The following OR4C16 variants were observed in gnomAD, a reference collection of about 807,000 sequenced individuals.
The protein encoded by OR4C16 is olfactory receptor family 4 subfamily C member 16.
In OR4C16, 24 loss-of-function variants were observed where a neutral mutation model predicts 14.4. The ratio of observed to expected loss-of-function variants is 1.66; its 90% confidence interval spans 1.21 to 2.34. OR4C16 has a LOEUF of 2.34. OR4C16 is among the 30% of genes most tolerant of loss of function. OR4C16 has a pLI of 0.00. For synonymous variants in OR4C16, 233 were observed against 133.5 expected (o/e 1.75, Z -5.14); for missense variants, 674 against 364.2 (o/e 1.85, Z -6.92).
At position 55,572,727 on chromosome 11, in the gene OR4C16, T is replaced by C. The variant is rs1565052556; in HGVS notation, c.600T>C (p.Asn200=). 2 of 1,613,660 alleles carry C rather than the reference T, an allele frequency of 1.2e-6. No homozygotes were observed. The highest frequency in any genetic ancestry group is 1.7e-6 in the Non-Finnish European group (2 of 1,179,674). The change falls in exon 1 of 1, where the codon AAT becomes AAC. Residue 200 remains asparagine (N), a synonymous_variant. Coordinates refer to ENST00000623907, the MANE Select transcript of OR4C16 (RefSeq NM_001004701.2). ...TYVVNLLLVS[N]SGAICAVSYV... is the part of the protein sequence containing the mutation. ...TGGTTAACCTACTCCTGGTTTCCAA[T>C]AGTGGGGCCATTTGTGCAGTGAGTT...
chr11:55,572,325 A>G lies in OR4C16; in HGVS notation c.198A>G (p.Leu66=), dbSNP rs145669236. 5.1e-3 allele frequency: 8,265 copies of G among 1,613,330 alleles called. 32 individuals carry two copies. Among genetic ancestry groups the G allele is most frequent in the Non-Finnish European group, 6.3e-3 (7,418 of 1,179,348 alleles). ...PMFFFLFYLS[L]SDTCLSTSIT... Reference sequence around the variant, plus strand: ...TCTTCTTCCTTTTCTACTTATCCTTATCTGATACTTGCCTCTCTACTTCCA... The same window carrying G: ...TCTTCTTCCTTTTCTACTTATCCTTGTCTGATACTTGCCTCTCTACTTCCA... Residue 66 remains leucine (L), a synonymous_variant, in exon 1 of 1, where the codon TTA becomes TTG. Coordinates refer to ENST00000623907, the MANE Select transcript of OR4C16 (RefSeq NM_001004701.2).
chr11:55,572,522 C>G lies in OR4C16; in HGVS notation c.395C>G (p.Thr132Ser). ...VDICKPLHYM[T>S]IISQWVCGVL... is the part of the protein sequence containing the mutation. ...ATCTGTAAGCCCCTGCACTACATGA[C>G]CATCATAAGCCAGTGGGTCTGTGGT... Residue 132 changes from threonine to serine, a missense_variant, in exon 1 of 1, where the codon ACC (threonine) becomes AGC (serine). Physicochemically the swap from Thr to Ser is moderately conservative, Grantham distance 58 (BLOSUM62 1). Coordinates refer to ENST00000623907, the MANE Select transcript of OR4C16 (RefSeq NM_001004701.2). 1 of 1,614,088 alleles carries G rather than the reference C, an allele frequency of 6.2e-7. No individual in the cohort carries two copies.
In OR4C16 at chr11:55,572,136, G is replaced by T. The variant is rs1031419782; in HGVS notation, c.9G>T (p.Leu3=). 8 of 1,600,476 alleles carry T rather than the reference G, an allele frequency of 5.0e-6. No homozygotes were observed. The African/African-American group carries it at 8.0e-5, about 16-fold the overall frequency. ...CCTCACTCACGAAAACCATGCAACT[G>T]AATAATAATGTGACTGAGTTCATTC... MQ[L]NNNVTEFILL... The change falls in exon 1 of 1, where the codon CTG becomes CTT. Residue 3 remains leucine, a synonymous_variant. Coordinates refer to ENST00000623907, the MANE Select transcript of OR4C16 (RefSeq NM_001004701.2).
At position 55,572,588 on chromosome 11, in the gene OR4C16, C is replaced by G; in HGVS notation, c.461C>G (p.Ser154Cys). The change falls in exon 1 of 1, where the codon TCT becomes TGT. Residue 154 changes from serine to cysteine, a missense_variant. Coordinates refer to ENST00000623907, the MANE Select transcript of OR4C16 (RefSeq NM_001004701.2). ...GCCTGGGTGGGATCCTGTGTGCATT[C>G]TTTAGTTCAGATTTTTCTTGCCCTG... ...AVAWVGSCVH[S>C]LVQIFLALSL... The G allele has an allele frequency of 6.2e-7, 1 of 1,614,050 alleles. No homozygotes were observed. Among genetic ancestry groups the G allele is most frequent in the Non-Finnish European group, 8.5e-7 (1 of 1,179,990 alleles).
In OR4C16 at chr11:55,572,865, C is replaced by T. The variant is rs752828208; in HGVS notation, c.738C>T (p.Ile246=). The change falls in exon 1 of 1, where the codon ATC becomes ATT. Residue 246 remains isoleucine (I), a synonymous_variant. Transcript: ENST00000623907. ...GTGTCTCCCACATCATTGTGGTCAT[C>T]TTGTTCTTTGGACCTTGCATATTTA... is the stretch of plus-strand genomic sequence containing the variant. ...STCVSHIIVV[I]LFFGPCIFMY... 8 of 1,613,820 alleles carry T rather than the reference C, an allele frequency of 5.0e-6. No individual in the cohort carries two copies. Among genetic ancestry groups the T allele is most frequent in the African/African-American group, 1.3e-5 (1 of 74,926 alleles).
Position 55,572,883 on chromosome 11 carries a change from C to T in OR4C16, c.756C>T (p.Cys252=). The T allele has an allele frequency of 1.9e-6, 3 of 1,613,790 alleles. No individual in the cohort carries two copies. Among genetic ancestry groups the T allele is most frequent in the South Asian group, 1.1e-5 (1 of 91,052 alleles). ...IIVVILFFGP[C]IFMYTCLATV... ...TGGTCATCTTGTTCTTTGGACCTTG[C>T]ATATTTATGTACACATGCCTTGCAA... The change falls in exon 1 of 1, where the codon TGC becomes TGT. Residue 252 remains cysteine (C), a synonymous_variant. Transcript: ENST00000623907.
rs769852768 is a variant in OR4C16, at chr11:55,573,029, G to A, written c.902G>A (p.Ser301Asn). The A allele has an allele frequency of 1.9e-6, 3 of 1,569,670 alleles. No homozygotes were observed. The highest frequency in any genetic ancestry group is 2.6e-6 in the Non-Finnish European group (3 of 1,156,444). The change falls in exon 1 of 1, where the codon AGC becomes AAC. Residue 301 changes from serine to asparagine, a missense_variant. Ser to Asn is a conservative substitution (Grantham distance 46, BLOSUM62 1). Coordinates refer to ENST00000623907, the MANE Select transcript of OR4C16 (RefSeq NM_001004701.2). Reference protein sequence around the residue: ...EVKSAMRKLWSKKLITDDKR With the variant: ...EVKSAMRKLWNKKLITDDKR ...AAAAGTGCCATGAGGAAGCTTTGGA[G>A]CAAGAAATTGATCACAGATGACAAA...
chr11:55,572,687 G>T lies in OR4C16; in HGVS notation c.560G>T (p.Cys187Phe), dbSNP rs745915444. The part of the protein sequence containing the change: ...CDLQPLLKQA[C>F]SETYVVNLLL... The stretch of plus-strand genomic sequence containing the variant: ...TTGCAGCCCTTGTTGAAACAAGCCT[G>T]TTCAGAAACCTATGTGGTTAACCTA... Residue 187 changes from cysteine to phenylalanine, a missense_variant, in exon 1 of 1, where the codon TGT becomes TTT. Cys to Phe is a radical substitution (Grantham distance 205). Coordinates refer to ENST00000623907, the MANE Select transcript of OR4C16 (RefSeq NM_001004701.2). 9 of 1,614,028 alleles carry T rather than the reference G, an allele frequency of 5.6e-6. No homozygotes were observed. The highest frequency in any genetic ancestry group is 7.6e-6 in the Non-Finnish European group (9 of 1,179,954).
rs746943863 is a variant in OR4C16 at position 55,572,387 on chromosome 11, A to T, written c.260A>T (p.Lys87Met). ...ATGATTGTGGATGCCCTTTTGAAGAAGACAACTATCTCCTTCAGCGAGTGC... is the reference window on the plus strand; with the variant it reads ...ATGATTGTGGATGCCCTTTTGAAGATGACAACTATCTCCTTCAGCGAGTGC... The part of the protein sequence containing the change: ...PRMIVDALLK[K>M]TTISFSECMI... Residue 87 changes from lysine (K) to methionine (M), a missense_variant, in exon 1 of 1, where the codon AAG becomes ATG. Lys to Met is a moderately conservative substitution (Grantham distance 95). Coordinates refer to ENST00000623907, the MANE Select transcript of OR4C16 (RefSeq NM_001004701.2). 1.9e-5 allele frequency: 30 copies of T among 1,613,956 alleles called. No individual in the cohort carries two copies. The highest frequency in any genetic ancestry group is 2.3e-5 in the Non-Finnish European group (27 of 1,179,996).
chr11:55,572,572 G>A lies in OR4C16; in HGVS notation c.445G>A (p.Gly149Arg), dbSNP rs2120024217. The A allele has an allele frequency of 1.9e-6, 3 of 1,614,038 alleles. No homozygotes were observed. Among genetic ancestry groups the A allele is most frequent in the South Asian group, 1.1e-5 (1 of 91,082 alleles). Residue 149 changes from glycine (G) to arginine (R), a missense_variant, in exon 1 of 1, where the codon GGA becomes AGA. Transcript: ENST00000623907. ...CGVLMAVAWV[G>R]SCVHSLVQIF... ...TGTTTTGATGGCTGTGGCCTGGGTG[G>A]GATCCTGTGTGCATTCTTTAGTTCA...
chr11:55,572,633 C>A lies in OR4C16; in HGVS notation c.506C>A (p.Pro169His). Residue 169 changes from proline (P) to histidine (H), a missense_variant, in exon 1 of 1, where the codon CCC becomes CAC. Pro to His is a moderately conservative substitution (Grantham distance 77). Transcript: ENST00000623907. The part of the protein sequence containing the change: ...FLALSLPFCG[P>H]NVINHCFCDL... ...GCCCTGAGTTTGCCATTCTGTGGCCCCAATGTGATCAATCACTGTTTCTGT... is the reference window on the plus strand; with the variant it reads ...GCCCTGAGTTTGCCATTCTGTGGCCACAATGTGATCAATCACTGTTTCTGT... 1.2e-6 allele frequency: 2 copies of A among 1,614,098 alleles called. No homozygotes were observed. Among genetic ancestry groups the A allele is most frequent in the Non-Finnish European group, 1.7e-6 (2 of 1,180,022 alleles).
In OR4C16 at chr11:55,572,445, C is replaced by A. The variant is rs375303396; in HGVS notation, c.318C>A (p.Gly106=). The A allele has an allele frequency of 1.8e-5, 29 of 1,613,920 alleles. No individual in the cohort carries two copies. The highest frequency in any genetic ancestry group is 2.4e-5 in the Non-Finnish European group (28 of 1,179,974). The part of the protein sequence containing the change: ...MIQVFSSHVF[G]CLEIFILILT... ...AAGTCTTTTCATCCCATGTCTTTGG[C>A]TGCCTGGAGATCTTCATCCTCATCC... Residue 106 remains glycine (G), a synonymous_variant, in exon 1 of 1, where the codon GGC becomes GGA. Coordinates refer to ENST00000623907, the MANE Select transcript of OR4C16 (RefSeq NM_001004701.2).
chr11:55,572,717 T>C lies in OR4C16; in HGVS notation c.590T>C (p.Leu197Pro). The C allele has an allele frequency of 6.2e-7, 1 of 1,613,694 alleles. No individual in the cohort carries two copies. The change falls in exon 1 of 1, where the codon CTG (leucine) becomes CCG (proline). Residue 197 changes from leucine to proline, a missense_variant. By Grantham distance (98) the Leu-to-Pro change is moderately conservative. Coordinates refer to ENST00000623907, the MANE Select transcript of OR4C16 (RefSeq NM_001004701.2). ...GAAACCTATGTGGTTAACCTACTCCTGGTTTCCAATAGTGGGGCCATTTGT... is the reference window on the plus strand; with the variant it reads ...GAAACCTATGTGGTTAACCTACTCCCGGTTTCCAATAGTGGGGCCATTTGT... ...CSETYVVNLL[L>P]VSNSGAICAV...
rs765519582 is a variant in OR4C16 at position 55,572,769 on chromosome 11, C to T, written c.642C>T (p.Phe214=). 1.9e-6 allele frequency: 3 copies of T among 1,614,070 alleles called. No individual in the cohort carries two copies. The South Asian group carries it at 3.3e-5, about 18-fold the overall frequency. ...ICAVSYVMLI[F]SYVIFLHSLR... is the part of the protein sequence containing the mutation. ...CAGTGAGTTATGTCATGCTAATATT[C>T]TCCTATGTCATCTTCTTGCATTCTC... Residue 214 remains phenylalanine (F), a synonymous_variant, in exon 1 of 1, where the codon TTC becomes TTT. Transcript: ENST00000623907.
rs769291255 is a variant in OR4C16, at chr11:55,572,393, C to G, written c.266C>G (p.Thr89Ser). The G allele has an allele frequency of 6.2e-7, 1 of 1,613,904 alleles. No homozygotes were observed. The highest frequency in any genetic ancestry group is 1.7e-5 in the Admixed American group (1 of 60,000). Residue 89 changes from threonine (T) to serine (S), a missense_variant, in exon 1 of 1, where the codon ACT becomes AGT. Transcript: ENST00000623907. ...GTGGATGCCCTTTTGAAGAAGACAA[C>G]TATCTCCTTCAGCGAGTGCATGATC... Reference protein sequence around the residue: ...MIVDALLKKTTISFSECMIQV... With the variant: ...MIVDALLKKTSISFSECMIQV...
Position 55,572,901 on chromosome 11 carries a change from C to G in OR4C16, c.774C>G (p.Cys258Trp), listed in dbSNP as rs756246969. 7 of 1,613,554 alleles carry G rather than the reference C, an allele frequency of 4.3e-6. No homozygotes were observed. The highest frequency in any genetic ancestry group is 1.7e-5 in the Admixed American group (1 of 59,978). The part of the protein sequence containing the change: ...FFGPCIFMYT[C>W]LATVFPMDKM... ...GACCTTGCATATTTATGTACACATG[C>G]CTTGCAACCGTATTCCCCATGGATA... The change falls in exon 1 of 1, where the codon TGC becomes TGG. Residue 258 changes from cysteine to tryptophan, a missense_variant. Cys to Trp is a radical substitution (Grantham distance 215). Transcript: ENST00000623907.
At position 55,572,319 on chromosome 11, in the gene OR4C16, A is replaced by G; in HGVS notation, c.192A>G (p.Leu64=). 2 of 1,613,496 alleles carry G rather than the reference A, an allele frequency of 1.2e-6. No individual in the cohort carries two copies. Among genetic ancestry groups the G allele is most frequent in the Non-Finnish European group, 1.7e-6 (2 of 1,179,512 alleles). The stretch of plus-strand genomic sequence containing the variant: ...CAATGTTCTTCTTCCTTTTCTACTT[A>G]TCCTTATCTGATACTTGCCTCTCTA... ...KNPMFFFLFY[L]SLSDTCLSTS... Residue 64 remains leucine, a synonymous_variant, in exon 1 of 1, where the codon TTA becomes TTG. Transcript: ENST00000623907.
chr11:55,573,052 A>C lies in OR4C16; in HGVS notation c.925A>C (p.Lys309Gln). Residue 309 changes from lysine to glutamine, a missense_variant, in exon 1 of 1, where the codon AAA becomes CAA. Physicochemically the swap from Lys to Gln is moderately conservative, Grantham distance 53. Coordinates refer to ENST00000623907, the MANE Select transcript of OR4C16 (RefSeq NM_001004701.2). ...GAGCAAGAAATTGATCACAGATGAC[A>C]AAAGATAAATGAAGGTTTCAAATCC... is the stretch of plus-strand genomic sequence containing the variant. ...LWSKKLITDD[K>Q]R 6.5e-7 allele frequency: 1 copy of C among 1,540,190 alleles called. No individual in the cohort carries two copies. Among genetic ancestry groups the C allele is most frequent in the Non-Finnish European group, 8.8e-7 (1 of 1,142,704 alleles).
At position 55,572,538 on chromosome 11, in the gene OR4C16, G is replaced by C. The variant is rs773730662; in HGVS notation, c.411G>C (p.Trp137Cys). 3.7e-6 allele frequency: 6 copies of C among 1,613,996 alleles called. No homozygotes were observed. In the South Asian group the frequency reaches 5.5e-5, roughly 15 times the overall value. ...ACTACATGACCATCATAAGCCAGTG[G>C]GTCTGTGGTGTTTTGATGGCTGTGG... Reference protein sequence around the residue: ...PLHYMTIISQWVCGVLMAVAW... With the variant: ...PLHYMTIISQCVCGVLMAVAW... The change falls in exon 1 of 1, where the codon TGG becomes TGC. Residue 137 changes from tryptophan to cysteine, a missense_variant. Physicochemically the swap from Trp to Cys is radical, Grantham distance 215. Coordinates refer to ENST00000623907, the MANE Select transcript of OR4C16 (RefSeq NM_001004701.2).
Sources: gnomAD v4.1 joint callset for allele counts on GRCh38, gnomAD v4.1.1 for gene constraint, MANE v1.5 for transcripts, NCBI Gene and HGNC (gene_info 2026-07-23, HGNC 2026-07-21) for gene names.